The following NRG1 variants were observed in gnomAD, a reference collection of about 807,000 sequenced individuals.
NRG1 encodes pro-neuregulin-1, membrane-bound isoform.
NRG1 carries 18 observed loss-of-function variants against 63.8 expected under a neutral mutation model. The ratio of observed to expected loss-of-function variants is 0.28; its 90% CI spans 0.19 to 0.42. The LOEUF is 0.42. NRG1 is among the 10% of genes least tolerant of loss of function. The pLI is 1.00. For missense variants in NRG1, 762 were observed against 814.7 expected, an observed-to-expected ratio of 0.94 and a Z score of 0.79; for synonymous variants, 302 against 301.3, an observed-to-expected ratio of 1.00 and a Z score of -0.02.
At chr8:32,260,838 T>C (rs904208814) in intron 1 of NRG1, among the ~76,000 whole-genome samples, 1 of 152,202 alleles carries the variant, frequency 6.6e-6, no homozygotes, top group African/African-American at 2.4e-5. Flanking sequence ...CTTGCCCTCA[T>C]TGCTCTCTTT....
At chr8:32,127,528 C>CGTGTGTGT (rs3084577) in intron 1 of NRG1, among the ~76,000 whole-genome samples, 42,231 of 146,126 alleles carry the variant, frequency 0.29, 6,523 homozygotes, top group Non-Finnish European at 0.35. Context: ...TGTATCTGCA[C>CGTGTGTGT]GTGTGTGTGT....
intron 5 of NRG1, among the ~76,000 whole-genome samples, chr8:32,683,389 A>G (rs2976519): frequency 0.78 from 118,638 of 152,082 alleles, 47,369 homozygotes; most frequent in Non-Finnish European, 0.88. Context: ...GTCTTCGGAA[A>G]TTGACTGTAG....
chr8:32,725,168 G>A (rs1035247300), intron 5 of NRG1, among the ~76,000 whole-genome samples: 1 of 152,026 alleles, frequency 6.6e-6, no homozygotes, highest in Non-Finnish European at 1.5e-5. Context: ...TGGTTTTGTT[G>A]TTTTTAGCAA....
intron 1 of NRG1, among the ~76,000 whole-genome samples, chr8:32,175,983 T>G (rs1328679249): frequency 6.6e-6 from 1 of 152,132 alleles, no homozygotes; most frequent in Non-Finnish European, 1.5e-5. Flanking sequence ...AAAAAACTAC[T>G]TTAAAGTTCA....
At chr8:32,716,012 G>A (rs1589379610) in intron 5 of NRG1, among the ~76,000 whole-genome samples, 1 of 152,220 alleles carries the variant, frequency 6.6e-6, no homozygotes, top group East Asian at 1.9e-4. Context: ...TTGTTTTCCT[G>A]GTAAGGCCTT....
At chr8:32,358,046 T>G (rs576637941) in intron 1 of NRG1, among the ~76,000 whole-genome samples, 2 of 152,236 alleles carry the variant, frequency 1.3e-5, no homozygotes, top group African/African-American at 4.8e-5. Context: ...GATATAAGTA[T>G]ACATGTTTGG....
intron 1 of NRG1, among the ~76,000 whole-genome samples, chr8:31,840,908 C>T (rs1826141986): frequency 6.6e-6 from 1 of 152,002 alleles, no homozygotes; most frequent in Non-Finnish European, 1.5e-5. Context: ...TAGGCTTGGC[C>T]TATGCTTTTT....
chr8:32,607,183 G>A (rs1205601894), intron 3 of NRG1, among the ~76,000 whole-genome samples: 2 of 152,010 alleles, frequency 1.3e-5, no homozygotes, highest in Non-Finnish European at 2.9e-5. Context: ...TTTAACCAGG[G>A]CAGGTTAAGC....
At chr8:32,399,730 G>A (rs1031882076) in intron 1 of NRG1, among the ~76,000 whole-genome samples, 1 of 151,968 alleles carries the variant, frequency 6.6e-6, no homozygotes, top group African/African-American at 2.4e-5. Flanking sequence ...GTGAAAAGTA[G>A]AAAAAAAGTC....
chr8:32,229,657 C>T (rs564968342), intron 1 of NRG1, among the ~76,000 whole-genome samples: 1 of 152,194 alleles, frequency 6.6e-6, no homozygotes, highest in Non-Finnish European at 1.5e-5. Flanking sequence ...AAAACAGAGT[C>T]AATGCGGAAA....
At chr8:32,731,641 T>TA (rs906883131) in intron 6 of NRG1, among the ~76,000 whole-genome samples, 3 of 152,226 alleles carry the variant, frequency 2.0e-5, no homozygotes, top group Non-Finnish European at 2.9e-5. Flanking sequence ...TTTATTTTTT[T>TA]AAATCCTGTA....
chr8:32,260,896 C>T (rs986705621), intron 1 of NRG1, among the ~76,000 whole-genome samples: 1 of 152,186 alleles, frequency 6.6e-6, no homozygotes, highest in Non-Finnish European at 1.5e-5. Flanking sequence ...TCCCTTCTCA[C>T]TTTTTTCCCT....
intron 1 of NRG1, among the ~76,000 whole-genome samples, chr8:32,445,506 T>G (rs963810275): frequency 8.5e-5 from 13 of 152,170 alleles, no homozygotes; most frequent in African/African-American, 3.1e-4. Flanking sequence ...TTTGCCTCAC[T>G]GCTTATTTCA....
chr8:32,666,523 A>G (rs1473266672), intron 5 of NRG1, among the ~76,000 whole-genome samples: 1 of 152,164 alleles, frequency 6.6e-6, no homozygotes, highest in Non-Finnish European at 1.5e-5. Context: ...CCCTGGCCCT[A>G]TTGTATCACT....
chr8:32,350,350 A>C (rs1440467321), intron 1 of NRG1, among the ~76,000 whole-genome samples: 1 of 152,170 alleles, frequency 6.6e-6, no homozygotes, highest in African/African-American at 2.4e-5. Context: ...AGTTGGCCAC[A>C]AATGCTTTCT....
chr8:32,196,701 A>G (rs1842980936), intron 1 of NRG1, among the ~76,000 whole-genome samples: 1 of 152,114 alleles, frequency 6.6e-6, no homozygotes, highest in Admixed American at 6.6e-5. Flanking sequence ...ATTCCATTGT[A>G]GAGTAATGGC....
intron 1 of NRG1, among the ~76,000 whole-genome samples, chr8:31,851,510 T>A (rs1007420231): frequency 6.6e-6 from 1 of 152,238 alleles, no homozygotes; most frequent in African/African-American, 2.4e-5. Flanking sequence ...CATTTTATTT[T>A]TAACATTGTT....
Position 31,669,974 on chromosome 8 carries a change from G to A in NRG1, c.37+30543G>A, listed in dbSNP as rs180926304. On this transcript the variant is annotated intron_variant, in intron 1 of 10. Transcript: ENST00000519301. ...TCAGGTTTCAGATTTTCAGATGAGG[G>A]ATGCTCAACCCATAAACCCATATAG... is the stretch of plus-strand genomic sequence containing the variant. 1.8e-4 allele frequency among the ~76,000 whole-genome samples: 28 copies of A among 152,240 alleles called. 1 individual carries two copies. Among genetic ancestry groups the A allele is most frequent in the Admixed American group, 1.8e-3 (27 of 15,286 alleles).
At chr8:32,451,743 T>A (rs996904534) in intron 1 of NRG1, among the ~76,000 whole-genome samples, 1 of 152,200 alleles carries the variant, frequency 6.6e-6, no homozygotes, top group African/African-American at 2.4e-5. Context: ...CTTCTTAATA[T>A]CCTTAATTTC....
Sources: gnomAD v4.1 joint callset for allele counts (sites outside exome capture counted in the v4.1 genomes callset) on GRCh38, gnomAD v4.1.1 for gene constraint, MANE v1.5 for transcripts, NCBI Gene and HGNC (gene_info 2026-07-23, HGNC 2026-07-21) for gene names.